Variants in ABCB7 observed in about 807,000 individuals in gnomAD.
ABCB7 encodes ATP binding cassette subfamily B member 7, also known as iron-sulfur clusters transporter ABCB7, mitochondrial.
ABCB7 carries 7 observed loss-of-function variants against 54.4 expected under a neutral mutation model. The ratio of observed to expected loss-of-function variants is 0.13; its 90% CI spans 0.07 to 0.24. The LOEUF (loss-of-function observed/expected upper bound fraction) is 0.24, where lower values mean the gene tolerates loss of function less well. Ranked by LOEUF, ABCB7 falls within the 10% of genes least tolerant of loss-of-function variation. The pLI is 1.00. For synonymous variants in ABCB7, 218 were observed against 207.1 expected (o/e 1.05, Z -0.45); for missense variants, 356 against 570.4 (o/e 0.62, Z 3.83).
intron 1 of ABCB7, among the ~76,000 whole-genome samples, chrX:75,130,655 T>C (rs2081967946): frequency 8.9e-6 from 1 of 111,752 alleles, no homozygotes; most frequent in South Asian, 3.8e-4. Flanking sequence ...CTGAAGTGGC[T>C]TTCCATAGGG....
At chrX:75,095,564 T>A (rs1163283757) in intron 4 of ABCB7, among the ~76,000 whole-genome samples, 2 of 112,885 alleles carry the variant, frequency 1.8e-5, no homozygotes, top group Non-Finnish European at 3.7e-5. Context: ...GCTACTACTA[T>A]GTTCTACATG....
chrX:75,065,327 A>G, intron 12 of ABCB7, 86 bp from the exon 13 acceptor site: 1 of 903,254 alleles, frequency 1.1e-6, no homozygotes, highest in African/African-American at 2.0e-5. Context: ...CAAATAGTAA[A>G]GAGACAAAGG....
At chrX:75,099,815 T>C (rs1353417922) in intron 3 of ABCB7, among the ~76,000 whole-genome samples, 1 of 108,958 alleles carries the variant, frequency 9.2e-6, no homozygotes, top group Admixed American at 9.8e-5. Flanking sequence ...ACAATCCCCA[T>C]TTAAACATTA....
chrX:75,063,024 T>A (rs1008940536), intron 13 of ABCB7, among the ~76,000 whole-genome samples: 2 of 111,251 alleles, frequency 1.8e-5, no homozygotes, highest in African/African-American at 6.5e-5. Context: ...CTCTAGCATA[T>A]CAAATTTTTA....
intron 1 of ABCB7, among the ~76,000 whole-genome samples, chrX:75,120,501 T>C (rs2081867859): frequency 1.8e-5 from 2 of 110,092 alleles, no homozygotes; most frequent in Non-Finnish European, 3.8e-5. Context: ...CCGAGCTACT[T>C]GGGAGGCTGA....
intron 1 of ABCB7, among the ~76,000 whole-genome samples, chrX:75,140,146 T>G (rs1401139358): frequency 2.7e-5 from 3 of 112,135 alleles, no homozygotes; most frequent in African/African-American, 9.7e-5. Context: ...CAAAACTATT[T>G]TAATAGCTCC....
intron 1 of ABCB7, among the ~76,000 whole-genome samples, chrX:75,122,666 T>A (rs1295276500): frequency 8.9e-6 from 1 of 112,348 alleles, no homozygotes; most frequent in Non-Finnish European, 1.9e-5. Context: ...TTTCACCACA[T>A]CCTCACCAAC....
chrX:75,073,879 G>A lies in ABCB7; in HGVS notation c.933C>T (p.Val311=), dbSNP rs779491950. Residue 311 remains valine, a synonymous_variant, in exon 7 of 16, where the codon GTC becomes GTT. Coordinates refer to ENST00000373394, the MANE Select transcript of ABCB7 (RefSeq NM_001271696.3). ...LGTYTAFTVA[V]TRWRTRFRIE... is the part of the protein sequence containing the mutation. Reference sequence around the variant, plus strand: ...AGGGAATAAATTACCTCCACCGTGTGACTGCAACTGTGAATGCTGTGTATG... The same window carrying A: ...AGGGAATAAATTACCTCCACCGTGTAACTGCAACTGTGAATGCTGTGTATG... 1.1e-5 allele frequency: 13 copies of A among 1,207,702 alleles called. No homozygotes were observed. The East Asian group carries it at 3.9e-4, about 36-fold the overall frequency.
chrX:75,103,294 A>T (rs1042389253), intron 3 of ABCB7, among the ~76,000 whole-genome samples: 11 of 111,392 alleles, frequency 9.9e-5, no homozygotes, highest in African/African-American at 3.6e-4. Flanking sequence ...TGATTTTTGT[A>T]CATGGTGAGA....
chrX:75,132,882 G>C (rs1053059403), intron 1 of ABCB7, among the ~76,000 whole-genome samples: 1 of 111,787 alleles, frequency 8.9e-6, no homozygotes, highest in African/African-American at 3.3e-5. Flanking sequence ...ACACAGATGA[G>C]AAAGAACCAG....
intron 1 of ABCB7, among the ~76,000 whole-genome samples, chrX:75,136,837 C>T (rs972061485): frequency 8.9e-6 from 1 of 111,891 alleles, no homozygotes; most frequent in Non-Finnish European, 1.9e-5. Flanking sequence ...CAGCCATATG[C>T]AGAAGATGAA....
At chrX:75,060,021 TAC>T (rs1277897193) in intron 15 of ABCB7, among the ~76,000 whole-genome samples, 200 bp downstream of exon 15, 1 of 112,100 alleles carries the variant, frequency 8.9e-6, no homozygotes, top group African/African-American at 3.2e-5. Flanking sequence ...TTGCTTATAA[TAC>T]TTTAATAAAG....
chrX:75,055,783 T>C (rs1209240402), intron 15 of ABCB7, among the ~76,000 whole-genome samples: 1 of 110,559 alleles, frequency 9.0e-6, no homozygotes, highest in Non-Finnish European at 1.9e-5. Context: ...TTCTAAAATG[T>C]CCAGTCCTGT....
chrX:75,073,932 C>T lies in ABCB7; in HGVS notation c.880G>A (p.Ala294Thr). Residue 294 changes from alanine (A) to threonine (T), a missense_variant, in exon 7 of 16, where the codon GCT becomes ACT. By Grantham distance (58) the Ala-to-Thr change is moderately conservative. Transcript: ENST00000373394. ...VLYYKCGAQF[A>T]LVTLGTLGTY... The stretch of plus-strand genomic sequence containing the variant: ...CCAAGTGTTCCAAGGGTTACCAAAG[C>T]AAACTGGGCACCGCATTTGTAATAC... The T allele has an allele frequency of 8.3e-7, 1 of 1,208,664 alleles. No homozygotes were observed. Among genetic ancestry groups the T allele is most frequent in the Non-Finnish European group, 1.1e-6 (1 of 892,778 alleles).
intron 1 of ABCB7, among the ~76,000 whole-genome samples, chrX:75,130,034 A>G (rs1387610355): frequency 9.0e-6 from 1 of 111,362 alleles, no homozygotes; most frequent in Non-Finnish European, 1.9e-5. Flanking sequence ...TACAGCCTGT[A>G]AGTGGTGGAA....
intron 1 of ABCB7, among the ~76,000 whole-genome samples, chrX:75,153,699 T>A (rs1248589159): frequency 9.6e-6 from 1 of 103,632 alleles, no homozygotes; most frequent in Non-Finnish European, 2.0e-5. Flanking sequence ...ATACTTACAA[T>A]GAATTCCAGT....
intron 1 of ABCB7, among the ~76,000 whole-genome samples, chrX:75,115,266 CAAAAAAAAAAAA>C (rs1160024642): frequency 0.1 from 1,360 of 13,134 alleles, 12 homozygotes; most frequent in Non-Finnish European, 0.14. Context: ...GACTCTGTCT[CAAAAAAAAAAAA>C]AAAAAAAAAA....
At chrX:75,085,727 C>T (rs2081491779) in intron 4 of ABCB7, among the ~76,000 whole-genome samples, 1 of 111,566 alleles carries the variant, frequency 9.0e-6, no homozygotes, top group Non-Finnish European at 1.9e-5. Flanking sequence ...TTTCATACCC[C>T]TGTTACTTTT....
intron 1 of ABCB7, among the ~76,000 whole-genome samples, chrX:75,153,011 A>G (rs1486528065): frequency 9.0e-6 from 1 of 111,336 alleles, no homozygotes; most frequent in Non-Finnish European, 1.9e-5. Flanking sequence ...TTTCAGTTCC[A>G]TGATCTATAA....
Sources: gnomAD v4.1 joint callset for allele counts (sites outside exome capture counted in the v4.1 genomes callset) on GRCh38, gnomAD v4.1.1 for gene constraint, MANE v1.5 for transcripts, NCBI Gene and HGNC (gene_info 2026-07-23, HGNC 2026-07-21) for gene names.